The following CLIC5 variants were observed in gnomAD, a reference collection of about 807,000 sequenced individuals.
The protein encoded by CLIC5 is chloride intracellular channel protein 5.
CLIC5 carries 20 observed loss-of-function variants against 24.7 expected under a neutral mutation model. The ratio of observed to expected loss-of-function variants is 0.81; its 90% confidence interval spans 0.57 to 1.18. The LOEUF (loss-of-function observed/expected upper bound fraction) is 1.18. CLIC5 is among the 50% of genes most tolerant of loss of function. The pLI, the probability that CLIC5 is intolerant of heterozygous loss-of-function variation, is 0.00. For synonymous variants in CLIC5, 159 were observed against 135.6 expected, an observed-to-expected ratio of 1.17 and a Z score of -1.20; for missense variants, 341 against 326.1, an observed-to-expected ratio of 1.05 and a Z score of -0.35.
chr6:45,906,763 T>C (rs1161169862), intron 5 of CLIC5, among the ~76,000 whole-genome samples: 2 of 152,124 alleles, frequency 1.3e-5, no homozygotes, highest in East Asian at 1.9e-4. Flanking sequence ...AGTTTCTCCA[T>C]GTTGGTCAGG....
intron 1 of CLIC5, among the ~76,000 whole-genome samples, chr6:46,042,668 T>C (rs151326649): frequency 6.6e-6 from 1 of 152,302 alleles, no homozygotes; most frequent in African/African-American, 2.4e-5. Flanking sequence ...GGGAAGTAGA[T>C]ACATCAGCAA....
At chr6:45,937,424 A>G (rs1763976863) in intron 4 of CLIC5, 1 of 152,258 alleles carries the variant, frequency 6.6e-6, no homozygotes, top group Non-Finnish European at 1.5e-5. Flanking sequence ...AGATAAAGAA[A>G]CTGAATGTAA....
chr6:46,106,919 T>C, the CLIC5 span, among the ~76,000 whole-genome samples: 84,930 of 152,092 alleles, frequency 0.56, 24,259 homozygotes, highest in Middle Eastern at 0.76. Context: ...TAGTGAGTTT[T>C]AATGGTCTCA....
chr6:46,011,259 T>C (rs1219180980), intron 1 of CLIC5, among the ~76,000 whole-genome samples: 2 of 152,226 alleles, frequency 1.3e-5, no homozygotes, highest in Admixed American at 6.5e-5. Flanking sequence ...GCAAGCTTTC[T>C]ATCAACAACA....
At chr6:45,960,643 C>T (rs760259609) in intron 1 of CLIC5, among the ~76,000 whole-genome samples, 10 of 152,186 alleles carry the variant, frequency 6.6e-5, no homozygotes, top group Non-Finnish European at 1.5e-4. Context: ...AACCAAAGTC[C>T]CCATTAAGCC....
At chr6:46,000,041 C>T (rs151260006) in intron 1 of CLIC5, among the ~76,000 whole-genome samples, 4,779 of 28,930 alleles carry the variant, frequency 0.17, 1,668 homozygotes, top group Non-Finnish European at 0.22. Context: ...TGAGCCACCG[C>T]GCCCGGCCTT....
the CLIC5 span, among the ~76,000 whole-genome samples, chr6:46,117,933 T>C: frequency 6.6e-6 from 1 of 152,226 alleles, no homozygotes. Flanking sequence ...CTGGATTCAG[T>C]GAAATACTGA....
chr6:46,108,393 T>TGAGAGAGA, the CLIC5 span, among the ~76,000 whole-genome samples: 15 of 135,064 alleles, frequency 1.1e-4, no homozygotes, highest in Non-Finnish European at 2.3e-4. Context: ...TGTGTGTGTG[T>TGAGAGAGA]GTGTGTGTGA....
chr6:45,928,500 A>G (rs1206075717), intron 4 of CLIC5, among the ~76,000 whole-genome samples: 1 of 152,246 alleles, frequency 6.6e-6, no homozygotes, highest in Non-Finnish European at 1.5e-5. Context: ...TAGTAATTGT[A>G]TAAACCAACT....
At chr6:46,018,268 T>C (rs1183806819), upstream of CLIC5, among the ~76,000 whole-genome samples, 1 of 152,244 alleles carries the variant, frequency 6.6e-6, no homozygotes, top group East Asian at 1.9e-4. Flanking sequence ...GTTACACGTA[T>C]TTTCGATCAT....
intron 2 of CLIC5, 50 bp downstream of exon 2, chr6:45,955,085 T>C: frequency 1.4e-6 from 2 of 1,400,320 alleles, no homozygotes; most frequent in Non-Finnish European, 2.0e-6. Flanking sequence ...CATGGAAGGT[T>C]CTCTGTTCAT....
At chr6:46,086,748 A>G in the CLIC5 span, among the ~76,000 whole-genome samples, 1 of 152,160 alleles carries the variant, frequency 6.6e-6, no homozygotes, top group Non-Finnish European at 1.5e-5. Context: ...TGCTTATTGG[A>G]GCAACTTGGT....
chr6:45,973,228 C>T (rs780740888), intron 1 of CLIC5, among the ~76,000 whole-genome samples: 1 of 152,122 alleles, frequency 6.6e-6, no homozygotes, highest in Non-Finnish European at 1.5e-5. Flanking sequence ...GACCCTACCT[C>T]CAGGGGTTAA....
chr6:45,893,150 C>A (rs1157750942), intron 6 of CLIC5, among the ~76,000 whole-genome samples: 1 of 151,446 alleles, frequency 6.6e-6, no homozygotes, highest in Non-Finnish European at 1.5e-5. Flanking sequence ...TTTTCACATT[C>A]ATCACCTTTC....
chr6:46,017,226 C>T (rs1188896418), upstream of CLIC5, among the ~76,000 whole-genome samples: 1 of 152,116 alleles, frequency 6.6e-6, no homozygotes, highest in Non-Finnish European at 1.5e-5. Flanking sequence ...GTCTTCTTTG[C>T]CTTCTCTTTA....
the CLIC5 span, among the ~76,000 whole-genome samples, chr6:46,124,213 T>C: frequency 6.6e-6 from 1 of 152,170 alleles, no homozygotes; most frequent in African/African-American, 2.4e-5. Flanking sequence ...CAAAACAGCA[T>C]GGCACTGGTA....
At chr6:46,109,797 C>T in the CLIC5 span, among the ~76,000 whole-genome samples, 1 of 152,018 alleles carries the variant, frequency 6.6e-6, no homozygotes, top group African/African-American at 2.4e-5. Context: ...CTGATTTCTC[C>T]AGAATTTGGA....
At chr6:45,886,397 C>T (rs72870074) in intron 6 of CLIC5, among the ~76,000 whole-genome samples, 1,998 of 152,308 alleles carry the variant, frequency 0.013, 21 homozygotes, top group Non-Finnish European at 0.017. Flanking sequence ...AGGTCTCATC[C>T]GCCTAAGTCA....
chr6:45,999,154 C>T (rs1227403063), intron 1 of CLIC5, among the ~76,000 whole-genome samples: 1 of 152,186 alleles, frequency 6.6e-6, no homozygotes, highest in African/African-American at 2.4e-5. Flanking sequence ...ACTTTTAGAG[C>T]TGAAAGGGAC....
Sources: allele counts gnomAD v4.1 joint callset (sites outside exome capture counted in the v4.1 genomes callset), GRCh38; gene constraint gnomAD v4.1.1; transcripts MANE v1.5; gene names NCBI Gene and HGNC (gene_info 2026-07-23, HGNC 2026-07-21).